LRBA: variants seen among roughly 807,000 people sequenced by gnomAD.
LRBA encodes LPS responsive beige-like anchor protein.
Under a neutral mutation model 330.0 loss-of-function variants are expected in LRBA, and 176 were observed. The observed-to-expected ratio is 0.53, with a 90% CI of 0.47 to 0.60. LRBA has a LOEUF of 0.60. LRBA is among the 20% of genes least tolerant of loss of function. LRBA has a pLI of 0.00. For synonymous variants in LRBA, 1,230 were observed against 1,193.0 expected, an observed-to-expected ratio of 1.03 and a Z score of -0.64; for missense variants, 3,259 against 3,444.8, an observed-to-expected ratio of 0.95 and a Z score of 1.35.
In LRBA at chr4:150,911,881, C is replaced by G. The variant is rs1732029323; in HGVS notation, c.1161+2314G>C. 2.0e-5 allele frequency among the ~76,000 whole-genome samples: 3 copies of G among 152,102 alleles called. 1 individual carries two copies. The South Asian group carries it at 6.2e-4, about 32-fold the overall frequency. On this transcript the variant is annotated intron_variant, in intron 9 of 56. Coordinates refer to ENST00000651943, the MANE Select transcript of LRBA (RefSeq NM_001364905.1). The stretch of plus-strand genomic sequence containing the variant: ...TTCAATCTCCTTACTAGCTATAGGT[C>G]TTTTCGGATTTTTTAAATTTATTTT...
intron 30 of LRBA, among the ~76,000 whole-genome samples, chr4:150,821,287 T>A (rs1940308746): frequency 6.6e-6 from 1 of 152,012 alleles, no homozygotes; most frequent in Non-Finnish European, 1.5e-5. Context: ...GTTCTTATTA[T>A]CATTTTTTTC....
At chr4:150,751,529 T>C (rs1733552126) in intron 35 of LRBA, among the ~76,000 whole-genome samples, 1 of 152,102 alleles carries the variant, frequency 6.6e-6, no homozygotes, top group Non-Finnish European at 1.5e-5. Context: ...AACAGCAATT[T>C]TATCTAATAG....
chr4:150,469,744 C>A (rs778943423), intron 43 of LRBA, among the ~76,000 whole-genome samples: 3 of 152,118 alleles, frequency 2.0e-5, no homozygotes, highest in Non-Finnish European at 4.4e-5. Flanking sequence ...CTAACAGGGT[C>A]TTTTCTTTGC....
chr4:150,905,964 T>A lies in LRBA; in HGVS notation c.1629A>T (p.Ala543=). Reference sequence around the variant, plus strand: ...AAAATGCAAGGCAAAGTTCAAGTACTGCTCTGCTAACATGAGATTTGGAAG... The same window carrying A: ...AAAATGCAAGGCAAAGTTCAAGTACAGCTCTGCTAACATGAGATTTGGAAG... The part of the protein sequence containing the change: ...EKSSKSHVSR[A]VLELCLAFSK... The change falls in exon 13 of 57, where the codon GCA becomes GCT. Residue 543 remains alanine (A), a synonymous_variant. Transcript: ENST00000651943. 1 of 1,613,658 alleles carries A rather than the reference T, an allele frequency of 6.2e-7. No homozygotes were observed. The highest frequency in any genetic ancestry group is 1.1e-5 in the South Asian group (1 of 91,024).
At chr4:150,802,070 A>G (rs920520428) in intron 33 of LRBA, among the ~76,000 whole-genome samples, 1 of 150,792 alleles carries the variant, frequency 6.6e-6, no homozygotes, top group Non-Finnish European at 1.5e-5. Context: ...TTTTTAAAAC[A>G]TTAGACGAGC....
At chr4:150,424,619 G>A (rs1175773858) in intron 46 of LRBA, among the ~76,000 whole-genome samples, 8 of 150,262 alleles carry the variant, frequency 5.3e-5, no homozygotes, top group Admixed American at 4.6e-4. Context: ...ACGTGCGCGC[G>A]TGCACACACG....
intron 33 of LRBA, among the ~76,000 whole-genome samples, chr4:150,804,293 C>T (rs1352015344): frequency 1.3e-5 from 2 of 152,046 alleles, no homozygotes; most frequent in Non-Finnish European, 2.9e-5. Flanking sequence ...TTCAAATAAA[C>T]TCATTGTTAC....
intron 40 of LRBA, among the ~76,000 whole-genome samples, chr4:150,505,263 C>CA (rs1760894586): frequency 6.6e-6 from 1 of 152,174 alleles, no homozygotes; most frequent in African/African-American, 2.4e-5. Context: ...CACCCCAAAT[C>CA]AACAGAATAT....
At chr4:150,854,651 T>A (rs772653475) in intron 22 of LRBA, among the ~76,000 whole-genome samples, 109 of 152,254 alleles carry the variant, frequency 7.2e-4, no homozygotes, top group Admixed American at 2.4e-3. Flanking sequence ...TATTTACTAG[T>A]GTAACTGCAG....
At chr4:150,325,287 A>C (rs1733093080) in intron 49 of LRBA, among the ~76,000 whole-genome samples, 2 of 152,166 alleles carry the variant, frequency 1.3e-5, no homozygotes, top group Non-Finnish European at 1.5e-5. Context: ...AATCATGAGA[A>C]ATACAATACA....
At chr4:150,857,497 T>A (rs1466134165) in intron 22 of LRBA, among the ~76,000 whole-genome samples, 2 of 152,170 alleles carry the variant, frequency 1.3e-5, no homozygotes, top group African/African-American at 2.4e-5. Flanking sequence ...GATGCTTTCA[T>A]GCAAATCTAG....
At chr4:150,966,530 G>A (rs1204872711) in intron 2 of LRBA, among the ~76,000 whole-genome samples, 1 of 133,458 alleles carries the variant, frequency 7.5e-6, no homozygotes, top group Non-Finnish European at 1.5e-5. Flanking sequence ...GTTTCACCAT[G>A]TTAGCCAGGA....
intron 41 of LRBA, among the ~76,000 whole-genome samples, chr4:150,488,901 A>G (rs1397181972): frequency 7.0e-6 from 1 of 142,404 alleles, no homozygotes; most frequent in Non-Finnish European, 1.5e-5. Context: ...ACACACACAT[A>G]AGAATATATA....
At chr4:150,373,199 G>C (rs1289887555) in intron 47 of LRBA, among the ~76,000 whole-genome samples, 1 of 150,418 alleles carries the variant, frequency 6.6e-6, no homozygotes, top group African/African-American at 2.5e-5. Context: ...GAGAGAGAGA[G>C]AGACTATGAC....
intron 44 of LRBA, among the ~76,000 whole-genome samples, chr4:150,438,586 CCTT>C (rs1361663342): frequency 6.6e-6 from 1 of 151,970 alleles, no homozygotes; most frequent in Non-Finnish European, 1.5e-5. Context: ...GTTAATCACT[CCTT>C]ATTTATAACA....
intron 44 of LRBA, among the ~76,000 whole-genome samples, chr4:150,453,377 G>C (rs116418655): frequency 1.3e-5 from 2 of 152,062 alleles, no homozygotes; most frequent in East Asian, 1.9e-4. Flanking sequence ...ATATATGGCC[G>C]ATTGATTTCC....
At chr4:150,630,844 T>C (rs776925798) in intron 37 of LRBA, among the ~76,000 whole-genome samples, 3 of 152,172 alleles carry the variant, frequency 2.0e-5, no homozygotes, top group East Asian at 1.9e-4. Flanking sequence ...AAACATACTA[T>C]GGAAAGAGAT....
intron 34 of LRBA, among the ~76,000 whole-genome samples, chr4:150,797,474 T>C (rs970526271): frequency 6.6e-6 from 1 of 151,776 alleles, no homozygotes; most frequent in Admixed American, 6.6e-5. Context: ...AAAGAAAACC[T>C]CACAGGATAC....
At chr4:150,380,136 G>A (rs1418464024) in intron 47 of LRBA, among the ~76,000 whole-genome samples, 1 of 150,014 alleles carries the variant, frequency 6.7e-6, no homozygotes, top group Non-Finnish European at 1.5e-5. Flanking sequence ...CCGAGATCAC[G>A]CCATTGCACT....
Sources: allele counts gnomAD v4.1 joint callset (sites outside exome capture counted in the v4.1 genomes callset), GRCh38; gene constraint gnomAD v4.1.1; transcripts MANE v1.5; gene names NCBI Gene and HGNC (gene_info 2026-07-23, HGNC 2026-07-21).